RYR3: variants seen among roughly 807,000 people sequenced by gnomAD.
RYR3 encodes brain ryanodine receptor-calcium release channel.
Under a neutral mutation model 584.3 loss-of-function variants are expected in RYR3, and 207 were observed. The ratio of observed to expected loss-of-function variants is 0.35; its 90% CI spans 0.32 to 0.40. The LOEUF (loss-of-function observed/expected upper bound fraction) is 0.40, where lower values mean the gene tolerates loss of function less well. Among genes scored for constraint, RYR3 ranks in the 10% least tolerant of loss-of-function variants. RYR3 has a pLI of 1.00. For synonymous variants in RYR3, 2,416 were observed against 2,248.5 expected (o/e 1.07, Z -2.11); for missense variants, 5,616 against 6,089.2 (o/e 0.92, Z 2.59).
rs142196183 is a variant in RYR3, at chr15:33,597,276, A to C, written c.1789-4143A>C. 5.4e-4 allele frequency among the ~76,000 whole-genome samples: 82 copies of C among 152,298 alleles called. 1 individual carries two copies. The highest frequency in any genetic ancestry group is 1.9e-3 in the African/African-American group (81 of 41,552). On this transcript the variant is annotated intron_variant, in intron 16 of 103. Transcript: ENST00000634891. ...ATGTATGCTGGGCAATACTTAAGGC[A>C]TTTATAATAGTAGTTTACCAGTAAT...
At chr15:33,366,649 T>A (rs1220778678) in intron 1 of RYR3, among the ~76,000 whole-genome samples, 1 of 152,128 alleles carries the variant, frequency 6.6e-6, no homozygotes, top group African/African-American at 2.4e-5. Flanking sequence ...TGGACAAAGA[T>A]AAATCAGAGG....
chr15:33,533,334 A>G lies in RYR3; in HGVS notation c.378A>G (p.Ser126=), dbSNP rs2055041699. The G allele has an allele frequency of 6.2e-7, 1 of 1,607,522 alleles. No homozygotes were observed. The highest frequency in any genetic ancestry group is 8.5e-7 in the Non-Finnish European group (1 of 1,176,874). ...SGMYLTCLTT[S]RSQTDKLAFD... ...AGTATCTAACATGCTTGACTACATC[A>G]AGATCCCAGACAGACAAACTTGCCT... is the stretch of plus-strand genomic sequence containing the variant. The change falls in exon 5 of 104, where the codon TCA becomes TCG. Residue 126 remains serine, a synonymous_variant. Transcript: ENST00000634891.
chr15:33,562,965 A>G lies in RYR3; in HGVS notation c.1101A>G (p.Lys367=). 2 of 1,613,006 alleles carry G rather than the reference A, an allele frequency of 1.2e-6. No individual in the cohort carries two copies. Among genetic ancestry groups the G allele is most frequent in the South Asian group, 2.2e-5 (2 of 90,826 alleles). The change falls in exon 11 of 104, where the codon AAA becomes AAG. Residue 367 remains lysine (K), a synonymous_variant. Coordinates refer to ENST00000634891, the MANE Select transcript of RYR3 (RefSeq NM_001036.6). ...HIASGLWVTY[K]AQDAKTSRLG... ...CCAGTGGTCTGTGGGTGACCTACAA[A>G]GCACAAGACGCCAAAACTTCCCGCC...
intron 19 of RYR3, among the ~76,000 whole-genome samples, chr15:33,615,430 C>T (rs13379897): frequency 0.013 from 2,040 of 152,144 alleles, 44 homozygotes; most frequent in African/African-American, 0.047. Context: ...TTGTCCTATG[C>T]GAATGGTACT....
At chr15:33,578,113 G>A (rs2058392835) in intron 12 of RYR3, among the ~76,000 whole-genome samples, 1 of 152,172 alleles carries the variant, frequency 6.6e-6, no homozygotes, top group East Asian at 1.9e-4. Context: ...AACAACAGAT[G>A]CTGGCGAGGC....
At chr15:33,333,096 G>A (rs374041045) in intron 1 of RYR3, among the ~76,000 whole-genome samples, 2 of 143,326 alleles carry the variant, frequency 1.4e-5, no homozygotes, top group South Asian at 2.2e-4. Flanking sequence ...AAAAGCCCAG[G>A]ACAAGATGGA....
intron 16 of RYR3, among the ~76,000 whole-genome samples, chr15:33,592,416 TGCTGCACTTC>T (rs1198261577): frequency 6.6e-6 from 1 of 152,186 alleles, no homozygotes; most frequent in Non-Finnish European, 1.5e-5. Context: ...ATGGTACCAG[TGCTGCACTTC>T]TGGGGATCAC....
At chr15:33,547,097 C>A (rs1232295826) in intron 8 of RYR3, among the ~76,000 whole-genome samples, 1 of 152,134 alleles carries the variant, frequency 6.6e-6, no homozygotes, top group Non-Finnish European at 1.5e-5. Flanking sequence ...TGTGGAGCAA[C>A]CTGCCCCGAT....
intron 1 of RYR3, among the ~76,000 whole-genome samples, chr15:33,384,600 TGCACAC>T (rs2041452801): frequency 1.7e-5 from 1 of 57,630 alleles, no homozygotes; most frequent in African/African-American, 6.8e-5. Context: ...TATCTATATA[TGCACAC>T]ACACACACAC....
intron 102 of RYR3, among the ~76,000 whole-genome samples, chr15:33,862,484 G>T (rs185527148): frequency 2.0e-5 from 3 of 152,318 alleles, no homozygotes; most frequent in African/African-American, 7.2e-5. Context: ...TGGGATTACG[G>T]GTGTGAGCCA....
chr15:33,780,166 A>G, intron 64 of RYR3, 45 bp from the exon 65 acceptor site: 1 of 1,601,832 alleles, frequency 6.2e-7, no homozygotes, highest in African/African-American at 1.3e-5. Flanking sequence ...GCATGGGGCC[A>G]GCATGTGGGG....
intron 45 of RYR3, among the ~76,000 whole-genome samples, chr15:33,725,045 A>G (rs996141055): frequency 2.0e-5 from 3 of 151,984 alleles, no homozygotes; most frequent in African/African-American, 7.3e-5. Context: ...CAGAAAGCAC[A>G]TTATAGTTTG....
At chr15:33,581,674 G>C (rs749440419) in intron 14 of RYR3, 31 bp downstream of exon 14, 10 of 1,600,738 alleles carry the variant, frequency 6.2e-6, no homozygotes, top group Middle Eastern at 1.7e-4. Context: ...TTCTCCCTGG[G>C]ATGATTTCCA....
intron 1 of RYR3, among the ~76,000 whole-genome samples, chr15:33,317,166 A>T (rs757156747): frequency 1.3e-4 from 20 of 152,110 alleles, no homozygotes; most frequent in Non-Finnish European, 2.6e-4. Flanking sequence ...TTTCATAGCT[A>T]TCCTTCCTAT....
intron 3 of RYR3, among the ~76,000 whole-genome samples, chr15:33,508,222 G>A (rs1196711802): frequency 6.6e-6 from 1 of 152,030 alleles, no homozygotes; most frequent in Admixed American, 6.6e-5. Context: ...TATATAAATG[G>A]TATTTATAAA....
intron 4 of RYR3, 54 bp downstream of exon 4, chr15:33,530,720 A>AG: frequency 7.5e-7 from 1 of 1,329,156 alleles, no homozygotes; most frequent in Non-Finnish European, 1.1e-6. Context: ...AAAACTGAAG[A>AG]GGGGGAAATA....
In RYR3 at chr15:33,662,642, G is replaced by A; in HGVS notation, c.5112G>A (p.Gln1704=). The change falls in exon 35 of 104, where the codon CAG becomes CAA. Residue 1704 remains glutamine (Q), a synonymous_variant. Coordinates refer to ENST00000634891, the MANE Select transcript of RYR3 (RefSeq NM_001036.6). ...TGAGTATGCTGACAGAGGCAGTGCAGTGCAGCGGGGCCCACATCCGAGACC... is the reference window on the plus strand; with the variant it reads ...TGAGTATGCTGACAGAGGCAGTGCAATGCAGCGGGGCCCACATCCGAGACC... ...KALSMLTEAV[Q]CSGAHIRDPV... is the part of the protein sequence containing the mutation. 2 of 1,614,068 alleles carry A rather than the reference G, an allele frequency of 1.2e-6. No homozygotes were observed. The highest frequency in any genetic ancestry group is 2.2e-5 in the East Asian group (1 of 44,888).
At chr15:33,357,724 A>G (rs1424887761) in intron 1 of RYR3, among the ~76,000 whole-genome samples, 2 of 152,196 alleles carry the variant, frequency 1.3e-5, no homozygotes, top group Admixed American at 6.5e-5. Flanking sequence ...ACCTTCATTT[A>G]TAAGTATTTT....
intron 5 of RYR3, among the ~76,000 whole-genome samples, chr15:33,535,268 TC>T (rs2055230178): frequency 1.3e-5 from 2 of 152,196 alleles, no homozygotes; most frequent in South Asian, 4.1e-4. Flanking sequence ...AAATCCAGCA[TC>T]CAAACCGTGT....
Sources: gnomAD v4.1 joint callset for allele counts (sites outside exome capture counted in the v4.1 genomes callset) on GRCh38, gnomAD v4.1.1 for gene constraint, MANE v1.5 for transcripts, NCBI Gene and HGNC (gene_info 2026-07-23, HGNC 2026-07-21) for gene names.